Variants in NCKIPSD observed in about 807,000 individuals in gnomAD.
NCKIPSD encodes NCK-interacting protein with SH3 domain.
A neutral mutation model predicts 73.4 loss-of-function variants in NCKIPSD; 48 were observed. The observed-to-expected ratio is 0.65, with a 90% CI of 0.52 to 0.83. The LOEUF is 0.83. NCKIPSD is among the 40% of genes least tolerant of loss of function. The pLI is 0.00. For missense variants in NCKIPSD, 884 were observed against 970.2 expected (o/e 0.91, Z 1.18); for synonymous variants, 422 against 403.6 (o/e 1.05, Z -0.54).
intron 12 of NCKIPSD, among the ~76,000 whole-genome samples, chr3:48,675,923 T>C (rs2106743542): frequency 6.6e-6 from 1 of 152,270 alleles, no homozygotes; most frequent in African/African-American, 2.4e-5. Context: ...TCAACATCCC[T>C]CATTTCTCTT....
At chr3:48,680,781 C>T (rs915701560) in intron 5 of NCKIPSD, among the ~76,000 whole-genome samples, 3 of 152,172 alleles carry the variant, frequency 2.0e-5, no homozygotes, top group African/African-American at 7.2e-5. Flanking sequence ...GGATCCCACC[C>T]ATCCCATGAT....
intron 2 of NCKIPSD, 131 bp from the exon 3 acceptor site, chr3:48,682,683 C>A: frequency 8.4e-7 from 1 of 1,189,592 alleles, no homozygotes; most frequent in East Asian, 2.4e-5. Context: ...TGCTCCACCC[C>A]AGCCTACAGT....
At chr3:48,675,248 C>A (rs1330288204) in intron 12 of NCKIPSD, among the ~76,000 whole-genome samples, 1 of 152,028 alleles carries the variant, frequency 6.6e-6, no homozygotes, top group Non-Finnish European at 1.5e-5. Context: ...TCTTTCCCAT[C>A]CTCCCAGAGT....
rs540235743 is a variant in NCKIPSD, at chr3:48,685,908, C to T, written c.-101G>A. On this transcript the variant is annotated 5_prime_UTR_variant, in exon 1 of 13. Coordinates refer to ENST00000294129, the MANE Select transcript of NCKIPSD (RefSeq NM_016453.4). ...GCGCCGCGGTTGTCCCGCCCCGTGA[C>T]ACACTACGCAGGCGCGCGCGCGCCC... 10 of 1,167,100 alleles carry T rather than the reference C, an allele frequency of 8.6e-6. No individual in the cohort carries two copies. In the African/African-American group the frequency reaches 1.3e-4, roughly 15 times the overall value. 72.3% of individuals were successfully genotyped at this position (1,167,100 alleles called of 1,614,324 possible).
At position 48,681,552 on chromosome 3, in the gene NCKIPSD, A is replaced by G; in HGVS notation, c.827T>C (p.Val276Ala). Reference sequence around the variant, plus strand: ...AGAGGCTGAGGTTGTACCAGTTGCCACTTCTTCTTCTGCAGGGGGTTCAGG... The same window carrying G: ...AGAGGCTGAGGTTGTACCAGTTGCCGCTTCTTCTTCTGCAGGGGGTTCAGG... ...SAPEPPAEEEVATGTTSASDD... is the reference protein window; with the variant it reads ...SAPEPPAEEEAATGTTSASDD... Residue 276 changes from valine to alanine, a missense_variant, in exon 5 of 13, where the codon GTG becomes GCG. Coordinates refer to ENST00000294129, the MANE Select transcript of NCKIPSD (RefSeq NM_016453.4). 6.2e-7 allele frequency: 1 copy of G among 1,613,934 alleles called. No homozygotes were observed. The highest frequency in any genetic ancestry group is 1.3e-5 in the African/African-American group (1 of 74,974).
At chr3:48,681,076 G>T in intron 5 of NCKIPSD, 1 of 684,418 alleles carries the variant, frequency 1.5e-6, no homozygotes, top group Non-Finnish European at 2.3e-6. Context: ...GCTCAGTCCT[G>T]CCTTGTGGCC....
chr3:48,679,917 C>A, intron 6 of NCKIPSD, 30 bp from the exon 7 acceptor site: 1 of 1,613,846 alleles, frequency 6.2e-7, no homozygotes, highest in East Asian at 2.2e-5. Context: ...AGAGCATCAG[C>A]CACCATGAGC....
Position 48,685,872 on chromosome 3 carries a change from A to T in NCKIPSD, c.-65T>A. The stretch of plus-strand genomic sequence containing the variant: ...TGCGGCGCCACAACGCCAGGCCGGG[A>T]GCGCCGAGCCGCGCCGCGGTTGTCC... On this transcript the variant is annotated 5_prime_UTR_variant, in exon 1 of 13. Transcript: ENST00000294129. 7.6e-7 allele frequency: 1 copy of T among 1,320,046 alleles called. No individual in the cohort carries two copies. The highest frequency in any genetic ancestry group is 9.7e-7 in the Non-Finnish European group (1 of 1,033,638). 81.8% of individuals were successfully genotyped at this position (1,320,046 alleles called of 1,614,324 possible). A position where few individuals can be genotyped will look rare whatever the true frequency, so the allele number is the denominator to read the frequency against.
Position 48,685,669 on chromosome 3 carries a change from A to G in NCKIPSD, c.139T>C (p.Tyr47His). 6.6e-7 allele frequency: 1 copy of G among 1,526,036 alleles called. No individual in the cohort carries two copies. The highest frequency in any genetic ancestry group is 2.5e-5 in the East Asian group (1 of 39,246). The allele number at this position is 1,526,036 out of a possible 1,614,324, so 94.5% of individuals were successfully genotyped here. Residue 47 changes from tyrosine (Y) to histidine (H), a missense_variant, in exon 1 of 13, where the codon TAC (tyrosine) becomes CAC (histidine). Transcript: ENST00000294129. Reference protein sequence around the residue: ...AARARSGETGYVPPAYLRRLQ... With the variant: ...AARARSGETGHVPPAYLRRLQ... ...CGGCGCAGGTAGGCTGGCGGCACGT[A>G]GCCCGTCTCACCACTGCGCGCCCGC...
At chr3:48,683,129 T>C (rs2077382841) in intron 1 of NCKIPSD, 117 bp from the exon 2 acceptor site, 5 of 1,514,024 alleles carry the variant, frequency 3.3e-6, no homozygotes, top group Middle Eastern at 1.8e-4. Flanking sequence ...CCTGGAATGC[T>C]AGACATAGCA....
chr3:48,681,366 A>G lies in NCKIPSD; in HGVS notation c.1013T>C (p.Ile338Thr), dbSNP rs2077349901. 1.2e-6 allele frequency: 2 copies of G among 1,611,704 alleles called. No homozygotes were observed. The highest frequency in any genetic ancestry group is 2.2e-5 in the East Asian group (1 of 44,862). Residue 338 changes from isoleucine to threonine, a missense_variant, in exon 5 of 13, where the codon ATA becomes ACA. By Grantham distance (89) the Ile-to-Thr change is moderately conservative. Transcript: ENST00000294129. Reference protein sequence around the residue: ...HELCRVAIGIIVGHIQASVPA... With the variant: ...HELCRVAIGITVGHIQASVPA... ...CACCGAGGCCTGGATGTGACCCACT[A>G]TGATGCCGATGGCCACCCGGCATAA... is the stretch of plus-strand genomic sequence containing the variant.
Position 48,685,905 on chromosome 3 carries a change from T to A in NCKIPSD, c.-98A>T. On this transcript the variant is annotated 5_prime_UTR_variant, in exon 1 of 13. Transcript: ENST00000294129. ...GCCGCGCCGCGGTTGTCCCGCCCCG[T>A]GACACACTACGCAGGCGCGCGCGCG... 8.4e-7 allele frequency: 1 copy of A among 1,186,074 alleles called. No individual in the cohort carries two copies. Among genetic ancestry groups the A allele is most frequent in the Non-Finnish European group, 1.1e-6 (1 of 916,692 alleles). The allele number at this position is 1,186,074 out of a possible 1,614,324, so 73.5% of individuals were successfully genotyped here. A position where few individuals can be genotyped will look rare whatever the true frequency, so the allele number is the denominator to read the frequency against.
At chr3:48,678,831 T>A in intron 11 of NCKIPSD, 46 bp downstream of exon 11, 2 of 1,612,936 alleles carry the variant, frequency 1.2e-6, no homozygotes, top group Non-Finnish European at 1.7e-6. Context: ...GGTCATGGAG[T>A]CACAGGGCAT....
rs1371776597 is a variant in NCKIPSD, at chr3:48,682,752, GA to G, written c.281+150del. On this transcript the variant is annotated intron_variant, in intron 2 of 12. Coordinates refer to ENST00000294129, the MANE Select transcript of NCKIPSD (RefSeq NM_016453.4). ...ACCCCTGGTGCTCACTGAAGGACCC[GA>G]CCCCACCTTGCTCACTGGGAGGTGC... is the stretch of plus-strand genomic sequence containing the variant. 4.8e-6 allele frequency: 6 copies of G among 1,252,832 alleles called. No homozygotes were observed. In the East Asian group the frequency reaches 1.5e-4, roughly 32 times the overall value. The allele number at this position is 1,252,832 out of a possible 1,614,324, so 77.6% of individuals were successfully genotyped here. A position where few individuals can be genotyped will look rare whatever the true frequency, so the allele number is the denominator to read the frequency against.
At chr3:48,680,410 G>A (rs1465989521) in intron 5 of NCKIPSD, among the ~76,000 whole-genome samples, 181 bp from the exon 6 acceptor site, 11 of 152,280 alleles carry the variant, frequency 7.2e-5, no homozygotes, top group East Asian at 3.9e-4. Context: ...AGGAGTCAAC[G>A]GGAGACTCAT....
In NCKIPSD at chr3:48,685,765, C is replaced by A. The variant is rs1196925992; in HGVS notation, c.43G>T (p.Ala15Ser). ...LYAFRSAEPN[A>S]LAFAAGETFL... Reference sequence around the variant, plus strand: ...GTCTCGCCCGCGGCGAACGCCAGCGCGTTGGGCTCCGCCGAGCGGAACGCG... The same window carrying A: ...GTCTCGCCCGCGGCGAACGCCAGCGAGTTGGGCTCCGCCGAGCGGAACGCG... The change falls in exon 1 of 13, where the codon GCG (alanine) becomes TCG (serine). Residue 15 changes from alanine to serine, a missense_variant. Transcript: ENST00000294129. 3 of 1,532,130 alleles carry A rather than the reference C, an allele frequency of 2.0e-6. No homozygotes were observed. The highest frequency in any genetic ancestry group is 2.6e-6 in the Non-Finnish European group (3 of 1,148,422). 94.9% of individuals were successfully genotyped at this position (1,532,130 alleles called of 1,614,324 possible). A position where few individuals can be genotyped will look rare whatever the true frequency, so the allele number is the denominator to read the frequency against.
chr3:48,677,906 A>T (rs961999054), intron 12 of NCKIPSD, among the ~76,000 whole-genome samples: 1 of 152,074 alleles, frequency 6.6e-6, no homozygotes. Context: ...CTCTAGTCTC[A>T]ACTCATTCCC....
Position 48,674,115 on chromosome 3 carries a change from C to G in NCKIPSD, c.*429G>C. The G allele has an allele frequency of 3.6e-6, 4 of 1,113,718 alleles. No homozygotes were observed. Among genetic ancestry groups the G allele is most frequent in the Non-Finnish European group, 3.3e-6 (3 of 907,914 alleles). The allele number at this position is 1,113,718 out of a possible 1,614,324, so 69.0% of individuals were successfully genotyped here. A position where few individuals can be genotyped will look rare whatever the true frequency, so the allele number is the denominator to read the frequency against. On this transcript the variant is annotated 3_prime_UTR_variant, in exon 13 of 13. Transcript: ENST00000294129. ...GGGAGGACATGAGCAGCACTCACTG[C>G]AAAGCTAAGGCAAAGAATAGAGCTG... is the stretch of plus-strand genomic sequence containing the variant.
intron 5 of NCKIPSD, among the ~76,000 whole-genome samples, chr3:48,680,964 T>C (rs1367822698): frequency 6.6e-6 from 1 of 152,120 alleles, no homozygotes; most frequent in East Asian, 1.9e-4. Flanking sequence ...TGTCGTCTTA[T>C]CTGTCACCTG....
Sources: allele counts gnomAD v4.1 joint callset (sites outside exome capture counted in the v4.1 genomes callset), GRCh38; gene constraint gnomAD v4.1.1; transcripts MANE v1.5; gene names NCBI Gene and HGNC (gene_info 2026-07-23, HGNC 2026-07-21).